Variants in TMEM132B observed in about 807,000 individuals in gnomAD.
The protein encoded by TMEM132B is transmembrane protein 132B.
TMEM132B carries 18 observed loss-of-function variants against 90.8 expected under a neutral mutation model. That is an observed-to-expected ratio of 0.20 (90% CI 0.14 to 0.29). The LOEUF is 0.29. TMEM132B is among the 10% of genes least tolerant of loss of function. The pLI is 1.00. For missense variants in TMEM132B, 1,096 were observed against 1,326.8 expected (o/e 0.83, Z 2.70); for synonymous variants, 504 against 523.3 (o/e 0.96, Z 0.50).
At chr12:125,198,205 A>G (rs1307287905) in intron 1 of TMEM132B, among the ~76,000 whole-genome samples, 2 of 152,230 alleles carry the variant, frequency 1.3e-5, no homozygotes, top group Admixed American at 1.3e-4. Context: ...TGATGTGCCA[A>G]TGCAAGGGTA....
intron 2 of TMEM132B, among the ~76,000 whole-genome samples, chr12:125,353,395 G>A (rs1189886619): frequency 1.3e-5 from 2 of 152,202 alleles, no homozygotes; most frequent in African/African-American, 4.8e-5. Context: ...ATAATATTTT[G>A]GATGGGAAGT....
intron 4 of TMEM132B, among the ~76,000 whole-genome samples, chr12:125,525,908 A>G (rs1410778217): frequency 6.6e-6 from 1 of 152,144 alleles, no homozygotes; most frequent in African/African-American, 2.4e-5. Context: ...CCTTGTGATT[A>G]TTGCACCCTG....
rs985251382 is a variant in TMEM132B at position 125,661,621 on chromosome 12, G to A, written c.*6911G>A. ...TTTGGACTTCTAGCAAGGGCATTCA[G>A]TGTGGATTCCAAGAACAAAACCAAT... On this transcript the variant is annotated 3_prime_UTR_variant, in exon 9 of 9. Coordinates refer to ENST00000682704, the MANE Select transcript of TMEM132B (RefSeq NM_001366854.1). 3 of 152,202 alleles carry A rather than the reference G, an allele frequency of 2.0e-5. No individual in the cohort carries two copies. Among genetic ancestry groups the A allele is most frequent in the African/African-American group, 7.2e-5 (3 of 41,440 alleles). 9.4% of individuals were successfully genotyped at this position (152,202 alleles called of 1,614,324 possible).
chr12:125,270,030 TA>T lies in TMEM132B; in HGVS notation c.68-79410del, dbSNP rs375193784. On this transcript the variant is annotated intron_variant, in intron 1 of 8. Transcript: ENST00000682704. ...GGCAGTAGAACATGACCCTGTCTCTTAAAAAAAAAAAACGCTACACTTCCCA... is the reference window on the plus strand; with the variant it reads ...GGCAGTAGAACATGACCCTGTCTCTTAAAAAAAAAAACGCTACACTTCCCA... 1.7e-3 allele frequency among the ~76,000 whole-genome samples: 240 copies of T among 139,538 alleles called. 1 individual carries two copies. Among genetic ancestry groups the T allele is most frequent in the African/African-American group, 5.2e-3 (198 of 38,122 alleles). 91.5% of individuals were successfully genotyped at this position (139,538 alleles called of 152,430 possible).
At chr12:125,207,669 G>A (rs1428295153) in intron 1 of TMEM132B, among the ~76,000 whole-genome samples, 2 of 152,022 alleles carry the variant, frequency 1.3e-5, no homozygotes, top group South Asian at 2.1e-4. Context: ...AACCATCGCC[G>A]CCATCCATCT....
chr12:125,548,530 C>T (rs983567834), intron 4 of TMEM132B, among the ~76,000 whole-genome samples: 5 of 152,152 alleles, frequency 3.3e-5, no homozygotes, highest in African/African-American at 1.2e-4. Flanking sequence ...AGACGACAGT[C>T]CCTGGTATGA....
intron 1 of TMEM132B, among the ~76,000 whole-genome samples, chr12:125,195,009 T>TTC (rs1186038638): frequency 6.6e-5 from 10 of 152,126 alleles, no homozygotes; most frequent in Non-Finnish European, 1.5e-4. Context: ...TCTCAAGAAA[T>TTC]TGGGAATTCT....
intron 3 of TMEM132B, among the ~76,000 whole-genome samples, chr12:125,470,942 G>A (rs1488952693): frequency 1.3e-5 from 2 of 152,210 alleles, no homozygotes; most frequent in Non-Finnish European, 2.9e-5. Flanking sequence ...CCCCTTGGCC[G>A]GCTGCACCGA....
intron 4 of TMEM132B, among the ~76,000 whole-genome samples, chr12:125,529,951 C>T (rs112871146): frequency 3.6e-4 from 55 of 152,208 alleles, no homozygotes; most frequent in South Asian, 3.5e-3. Flanking sequence ...TATATGGGGC[C>T]GCAGGAGTTC....
chr12:125,654,023 C>T lies in TMEM132B; in HGVS notation c.2565C>T (p.Pro855=), dbSNP rs1243665589. 5 of 1,614,026 alleles carry T rather than the reference C, an allele frequency of 3.1e-6. No individual in the cohort carries two copies. The African/African-American group carries it at 5.3e-5, about 17-fold the overall frequency. Residue 855 remains proline (P), a synonymous_variant, in exon 9 of 9, where the codon CCC becomes CCT. Coordinates refer to ENST00000682704, the MANE Select transcript of TMEM132B (RefSeq NM_001366854.1). The surrounding 1 kb of genome is among the most constrained non-coding windows in gnomAD (Gnocchi z 5.8). Reference sequence around the variant, plus strand: ...AAAGTACCAACAAAAGCACAACCCCCCAGTCTCCCATGGAAGGGAAGAATA... The same window carrying T: ...AAAGTACCAACAAAAGCACAACCCCTCAGTCTCCCATGGAAGGGAAGAATA... The part of the protein sequence containing the change: ...QEESTNKSTT[P]QSPMEGKNKL...
chr12:125,419,062 C>T (rs1385885801), intron 3 of TMEM132B, among the ~76,000 whole-genome samples: 1 of 152,100 alleles, frequency 6.6e-6, no homozygotes, highest in Non-Finnish European at 1.5e-5. Flanking sequence ...AGAAAATAAA[C>T]CGCAACTTTT....
At chr12:125,197,161 C>A (rs1043771899) in intron 1 of TMEM132B, among the ~76,000 whole-genome samples, 1 of 151,982 alleles carries the variant, frequency 6.6e-6, no homozygotes, top group South Asian at 2.1e-4. Flanking sequence ...TCCCACCCTG[C>A]ACCCTCCTGT....
At chr12:125,635,266 G>A (rs763159791) in intron 5 of TMEM132B, among the ~76,000 whole-genome samples, 7 of 152,152 alleles carry the variant, frequency 4.6e-5, no homozygotes, top group Non-Finnish European at 8.8e-5. Flanking sequence ...TCTACATGAG[G>A]TATTTCTCCT....
chr12:125,415,613 A>G lies in TMEM132B; in HGVS notation c.1042A>G (p.Asn348Asp). ...DQWAVQEEID[N>D]GSTQTSATLT... ...ATGGGCAGTCCAGGAGGAAATTGAT[A>G]ATGGCAGCACTCAGACGTCGGCCAC... Residue 348 changes from asparagine to aspartate, a missense_variant, in exon 3 of 9, where the codon AAT (asparagine) becomes GAT (aspartate). Coordinates refer to ENST00000682704, the MANE Select transcript of TMEM132B (RefSeq NM_001366854.1). The surrounding 1 kb of genome is among the most constrained non-coding windows in gnomAD (Gnocchi z 5.3). 6.2e-7 allele frequency: 1 copy of G among 1,614,222 alleles called. No homozygotes were observed. Among genetic ancestry groups the G allele is most frequent in the Non-Finnish European group, 8.5e-7 (1 of 1,180,032 alleles).
intron 1 of TMEM132B, among the ~76,000 whole-genome samples, chr12:125,216,842 G>A (rs1356142954): frequency 6.6e-5 from 10 of 152,174 alleles, no homozygotes; most frequent in Admixed American, 6.5e-4. Context: ...TGGGTCCACG[G>A]AGGCAGCAAG....
chr12:125,516,117 ACACT>A (rs1883153881), intron 3 of TMEM132B, among the ~76,000 whole-genome samples: 1 of 151,276 alleles, frequency 6.6e-6, no homozygotes, highest in African/African-American at 2.4e-5. Context: ...TATCACACAC[ACACT>A]ATCGCAATCT....
intron 1 of TMEM132B, among the ~76,000 whole-genome samples, chr12:125,225,261 A>G (rs981563078): frequency 6.6e-6 from 1 of 152,240 alleles, no homozygotes; most frequent in Non-Finnish European, 1.5e-5. Flanking sequence ...TAGCAGGGTG[A>G]GAGGTTACTG....
intron 2 of TMEM132B, among the ~76,000 whole-genome samples, chr12:125,388,728 C>T (rs12306023): frequency 0.13 from 19,525 of 152,210 alleles, 1,442 homozygotes; most frequent in South Asian, 0.19. Flanking sequence ...GGCTGTTTGA[C>T]TGCATAGATA....
At chr12:125,605,084 G>A (rs777583633) in intron 5 of TMEM132B, among the ~76,000 whole-genome samples, 33 of 152,342 alleles carry the variant, frequency 2.2e-4, no homozygotes, top group Admixed American at 1.3e-3. Context: ...CCATATGAAT[G>A]TGAATATGGC....
Sources: gnomAD v4.1 joint callset for allele counts (sites outside exome capture counted in the v4.1 genomes callset) on GRCh38, gnomAD v4.1.1 for gene constraint, Gnocchi (gnomAD v3.1) non-coding constraint, MANE v1.5 for transcripts, NCBI Gene and HGNC (gene_info 2026-07-23, HGNC 2026-07-21) for gene names.